Variants in ADRA1B observed in about 807,000 individuals in gnomAD.
ADRA1B encodes alpha-1B adrenergic receptor.
In ADRA1B, 17 loss-of-function variants were observed where a neutral mutation model predicts 17.9. The observed-to-expected ratio is 0.95, with a 90% CI of 0.65 to 1.42. The LOEUF (loss-of-function observed/expected upper bound fraction) is 1.42. ADRA1B is among the 40% of genes most tolerant of loss of function. The pLI is 0.00. For synonymous variants in ADRA1B, 366 were observed against 327.6 expected, an observed-to-expected ratio of 1.12 and a Z score of -1.27; for missense variants, 681 against 722.1, an observed-to-expected ratio of 0.94 and a Z score of 0.65.
At chr5:159,973,033 A>ACGAG (rs1755917316), downstream of ADRA1B, among the ~76,000 whole-genome samples, 1 of 152,166 alleles carries the variant, frequency 6.6e-6, no homozygotes, top group Non-Finnish European at 1.5e-5. Context: ...TGGTTTGTGG[A>ACGAG]CGAGCGGCAG....
chr5:159,983,916 C>T, the ADRA1B span, among the ~76,000 whole-genome samples: 2 of 152,182 alleles, frequency 1.3e-5, no homozygotes, highest in East Asian at 3.9e-4. Flanking sequence ...TTGCTGCCAT[C>T]CACTGAAGAT....
chr5:159,950,849 CCCACAG>C, intron 1 of ADRA1B: 1 of 599,260 alleles, frequency 1.7e-6, no homozygotes, highest in Admixed American at 2.2e-5. Context: ...ATGACCCCTA[CCCACAG>C]CCTTGGCAGT....
At chr5:159,985,975 A>T in the ADRA1B span, among the ~76,000 whole-genome samples, 1 of 152,236 alleles carries the variant, frequency 6.6e-6, no homozygotes, top group Admixed American at 6.5e-5. Context: ...AGCAGCAGTG[A>T]CTACTCTTTA....
chr5:159,951,566 G>C (rs922939840), intron 1 of ADRA1B: 23 of 527,944 alleles, frequency 4.4e-5, no homozygotes, highest in Non-Finnish European at 8.0e-5. Context: ...GAGGAGCAGA[G>C]AGCCCCTAGT....
intron 1 of ADRA1B, chr5:159,951,305 C>T: frequency 7.5e-7 from 1 of 1,339,532 alleles, no homozygotes; most frequent in African/African-American, 1.4e-5. Context: ...TGACAAGCTT[C>T]CCTTTCTCAG....
At chr5:159,926,299 C>A (rs954227667) in intron 1 of ADRA1B, among the ~76,000 whole-genome samples, 1 of 152,142 alleles carries the variant, frequency 6.6e-6, no homozygotes, top group Non-Finnish European at 1.5e-5. Context: ...GGATCCCACC[C>A]TTTTCCCCAT....
rs1561579232 is a variant in ADRA1B, at chr5:159,871,217, T to C, written c.-256+6011T>C. On this transcript the variant is annotated intron_variant, in intron 1 of 2. Transcript: ENST00000641205. The stretch of plus-strand genomic sequence containing the variant: ...TAGTTAACTGTGCTTGCATTAAATA[T>C]AAATATAATAATGTGTCCAATGCAA... 3 of 152,184 alleles carry C rather than the reference T, an allele frequency of 2.0e-5. No individual in the cohort carries two copies. In the South Asian group the frequency reaches 6.2e-4, roughly 32 times the overall value. 9.4% of individuals were successfully genotyped at this position (152,184 alleles called of 1,614,324 possible). A position where few individuals can be genotyped will look rare whatever the true frequency, so the allele number is the denominator to read the frequency against.
At chr5:159,960,035 G>A (rs775901795) in intron 1 of ADRA1B, among the ~76,000 whole-genome samples, 9 of 152,236 alleles carry the variant, frequency 5.9e-5, no homozygotes, top group East Asian at 1.9e-4. Context: ...TGGGAGTTAC[G>A]GAACCCAAGG....
Position 159,945,748 on chromosome 5 carries a change from GTTTGTTTTTTTT to G in ADRA1B, c.950-26127_950-26116del, listed in dbSNP as rs1396642226. 1.5e-3 allele frequency among the ~76,000 whole-genome samples: 164 copies of G among 112,496 alleles called. 1 individual carries two copies. The highest frequency in any genetic ancestry group is 4.3e-3 in the African/African-American group (159 of 37,112). 73.8% of individuals were successfully genotyped at this position (112,496 alleles called of 152,430 possible). On this transcript the variant is annotated intron_variant, in intron 1 of 1. Coordinates refer to ENST00000306675, the MANE Select transcript of ADRA1B (RefSeq NM_000679.4). The stretch of plus-strand genomic sequence containing the variant: ...CGATTTCTGGTGGGTTTTTTTGTTT[GTTTGTTTTTTTT>G]TTTTTGAGACGGAGTCTTGCTCTGT...
At chr5:159,894,165 T>C (rs1329636884) in intron 1 of ADRA1B, among the ~76,000 whole-genome samples, 1 of 152,242 alleles carries the variant, frequency 6.6e-6, no homozygotes, top group Non-Finnish European at 1.5e-5. Flanking sequence ...ATTCAGTGCC[T>C]TCCTTCACAT....
chr5:159,894,554 T>C (rs7736525), intron 1 of ADRA1B, among the ~76,000 whole-genome samples: 9,615 of 152,306 alleles, frequency 0.063, 360 homozygotes, highest in Middle Eastern at 0.11. Flanking sequence ...AAACTGTAAA[T>C]TTGTATCAAA....
chr5:159,954,582 T>C (rs979069229), intron 1 of ADRA1B, among the ~76,000 whole-genome samples: 5 of 151,902 alleles, frequency 3.3e-5, no homozygotes, highest in African/African-American at 2.4e-5. Context: ...GTGGTGCAAA[T>C]AGAGGAGGCC....
chr5:159,881,300 TCTCTC>T (rs1753860004), intron 1 of ADRA1B, among the ~76,000 whole-genome samples: 1 of 6,962 alleles, frequency 1.4e-4, no homozygotes, highest in African/African-American at 6.5e-4. Context: ...ATCAGAAAGT[TCTCTC>T]TCTCTCTCTC....
intron 1 of ADRA1B, among the ~76,000 whole-genome samples, chr5:159,911,267 C>T (rs548899646): frequency 6.6e-6 from 1 of 152,334 alleles, no homozygotes; most frequent in South Asian, 2.1e-4. Flanking sequence ...CCCCTTCACC[C>T]TCGATTCTGT....
chr5:159,911,349 T>G (rs947027319), intron 1 of ADRA1B, among the ~76,000 whole-genome samples: 6 of 152,218 alleles, frequency 3.9e-5, no homozygotes, highest in Non-Finnish European at 8.8e-5. Context: ...TAAGAGAGAA[T>G]GGATCTGCTC....
chr5:159,896,857 A>T (rs10067620), intron 1 of ADRA1B, among the ~76,000 whole-genome samples: 15,485 of 152,298 alleles, frequency 0.1, 1,035 homozygotes, highest in African/African-American at 0.19. Context: ...ATATTATTTA[A>T]TGAATTCCCA....
At position 159,889,651 on chromosome 5, in the gene ADRA1B, T is replaced by C. The variant is rs531183591; in HGVS notation, c.-256+24445T>C. Among the ~76,000 whole-genome samples, 5 of 152,326 alleles carry C rather than the reference T, an allele frequency of 3.3e-5. No homozygotes were observed. In the South Asian group the frequency reaches 1.0e-3, roughly 32 times the overall value. On this transcript the variant is annotated intron_variant, in intron 1 of 2. Transcript: ENST00000641205. ...AGGACCATAATGGGGGTCATGCCAGTGGCTGCATCTGGGGTTCAATGGCAT... is the reference window on the plus strand; with the variant it reads ...AGGACCATAATGGGGGTCATGCCAGCGGCTGCATCTGGGGTTCAATGGCAT...
intron 1 of ADRA1B, chr5:159,869,423 A>T (rs1355475290): frequency 6.6e-6 from 1 of 152,258 alleles, no homozygotes; most frequent in Non-Finnish European, 1.5e-5. Flanking sequence ...AGGTGTCCAC[A>T]GGTAAAATTA....
intron 1 of ADRA1B, among the ~76,000 whole-genome samples, chr5:159,886,478 C>T (rs1753923834): frequency 6.6e-6 from 1 of 152,116 alleles, no homozygotes; most frequent in Admixed American, 6.5e-5. Flanking sequence ...TGGCAGGTCT[C>T]CCATGCTAAT....
Sources: gnomAD v4.1 joint callset for allele counts (sites outside exome capture counted in the v4.1 genomes callset) on GRCh38, gnomAD v4.1.1 for gene constraint, MANE v1.5 for transcripts, NCBI Gene and HGNC (gene_info 2026-07-23, HGNC 2026-07-21) for gene names.